Variants in MFHAS1 observed in about 807,000 individuals in gnomAD.
MFHAS1 encodes the protein malignant fibrous histiocytoma-amplified sequence 1.
In MFHAS1, 50 loss-of-function variants were observed where a neutral mutation model predicts 70.4. The observed-to-expected ratio is 0.71, with a 90% CI of 0.57 to 0.90. The LOEUF (loss-of-function observed/expected upper bound fraction) is 0.90, where lower values mean the gene tolerates loss of function less well. Among genes scored for constraint, MFHAS1 ranks in the 40% least tolerant of loss-of-function variants. MFHAS1 has a pLI of 0.00. For missense variants in MFHAS1, 1,795 were observed against 1,347.6 expected, an observed-to-expected ratio of 1.33 and a Z score of -5.20; for synonymous variants, 952 against 620.0, an observed-to-expected ratio of 1.54 and a Z score of -7.96.
intron 1 of MFHAS1, among the ~76,000 whole-genome samples, chr8:8,824,564 CACA>C (rs1807087048): frequency 7.6e-6 from 1 of 131,326 alleles, no homozygotes; most frequent in African/African-American, 2.6e-5. Flanking sequence ...CACACACACA[CACA>C]CCCCTTTCTG....
chr8:8,807,008 G>T lies in MFHAS1; in HGVS notation c.2999-9517C>A, dbSNP rs569453206. ...AAGGAACCATGAGGCACCACTTGAA[G>T]CTTCAATGAGGTGGTTTTATGATGT... On this transcript the variant is annotated intron_variant, in intron 1 of 2. Transcript: ENST00000276282. Among the ~76,000 whole-genome samples, 7 of 152,028 alleles carry T rather than the reference G, an allele frequency of 4.6e-5. No homozygotes were observed. In the South Asian group the frequency reaches 6.2e-4, roughly 14 times the overall value.
At chr8:8,826,657 C>T (rs545204632) in intron 1 of MFHAS1, among the ~76,000 whole-genome samples, 1 of 152,282 alleles carries the variant, frequency 6.6e-6, no homozygotes, top group East Asian at 1.9e-4. Context: ...CGCTTGAACC[C>T]AGAAGGTGGA....
chr8:8,813,810 T>G (rs62493165), intron 1 of MFHAS1, among the ~76,000 whole-genome samples: 1 of 152,174 alleles, frequency 6.6e-6, no homozygotes, highest in African/African-American at 2.4e-5. Flanking sequence ...TGTACAGTGT[T>G]GAAGTCTACA....
intron 1 of MFHAS1, among the ~76,000 whole-genome samples, chr8:8,850,528 T>C (rs977876095): frequency 3.3e-5 from 5 of 152,040 alleles, no homozygotes; most frequent in African/African-American, 1.2e-4. Flanking sequence ...AGCCACAGAG[T>C]TTATTAGTAA....
At chr8:8,825,811 G>C (rs1242612038) in intron 1 of MFHAS1, among the ~76,000 whole-genome samples, 1 of 152,160 alleles carries the variant, frequency 6.6e-6, no homozygotes, top group Admixed American at 6.5e-5. Flanking sequence ...GGCTAAGTAA[G>C]AACCTGTTTA....
chr8:8,892,623 G>A lies in MFHAS1; in HGVS notation c.436C>T (p.Gln146Ter). 1 of 1,606,668 alleles carries A rather than the reference G, an allele frequency of 6.2e-7. No individual in the cohort carries two copies. Residue 146 changes from glutamine (Q) to a stop codon, truncating the protein, a stop_gained, in exon 1 of 3, where the codon CAG (glutamine) becomes TAG (stop). Transcript: ENST00000276282. LOFTEE classifies it high-confidence loss of function. This position sits in a 1 kb window ranked among gnomAD's most constrained non-coding sequence, Gnocchi z 4.7. ...ELRKLNLSHN[Q>*]LPALPAQLGA... ...AGCTGGGCGGGCAGGGCGGGCAGCT[G>A]GTTGTGGCTGAGGTTGAGCTTCCGC...
intron 1 of MFHAS1, among the ~76,000 whole-genome samples, chr8:8,831,750 A>G (rs1807396381): frequency 6.6e-6 from 1 of 151,992 alleles, no homozygotes; most frequent in Admixed American, 6.6e-5. Context: ...CTGGGATTAC[A>G]GGCATGCGCC....
intron 1 of MFHAS1, among the ~76,000 whole-genome samples, chr8:8,814,920 G>C (rs1042801935): frequency 6.7e-6 from 1 of 149,928 alleles, no homozygotes; most frequent in Non-Finnish European, 1.5e-5. Context: ...TGTTACATGG[G>C]TAAACGTGTG....
intron 1 of MFHAS1, among the ~76,000 whole-genome samples, chr8:8,866,092 G>A (rs1808844807): frequency 6.6e-6 from 1 of 152,202 alleles, no homozygotes; most frequent in Non-Finnish European, 1.5e-5. Flanking sequence ...ACTCCTAGCT[G>A]AAGTGCTTTT....
rs1809929014 is a variant in MFHAS1 at position 8,890,112 on chromosome 8, G to C, written c.2947C>G (p.Leu983Val). 5.3e-5 allele frequency: 85 copies of C among 1,613,854 alleles called. No individual in the cohort carries two copies. Among genetic ancestry groups the C allele is most frequent in the Non-Finnish European group, 7.2e-5 (85 of 1,179,872 alleles). The stretch of plus-strand genomic sequence containing the variant: ...CCTCTCTTAAGGCACTTAGAACAGA[G>C]AATGTGCACGGTGTAGTGCAGTCCA... The part of the protein sequence containing the change: ...WPGLHYTVHI[L>V]CSKCLKRGSP... Residue 983 changes from leucine to valine, a missense_variant, in exon 1 of 3, where the codon CTC becomes GTC. By Grantham distance (32) the Leu-to-Val change is conservative (BLOSUM62 1). Transcript: ENST00000276282.
chr8:8,893,180 C>A lies in MFHAS1; in HGVS notation c.-122G>T. The A allele has an allele frequency of 3.8e-6, 2 of 522,960 alleles. No individual in the cohort carries two copies. Among genetic ancestry groups the A allele is most frequent in the Non-Finnish European group, 5.5e-6 (2 of 363,832 alleles). 32.4% of individuals were successfully genotyped at this position (522,960 alleles called of 1,614,324 possible). A position where few individuals can be genotyped will look rare whatever the true frequency, so the allele number is the denominator to read the frequency against. On this transcript the variant is annotated 5_prime_UTR_variant, in exon 1 of 3. Transcript: ENST00000276282. ...CCTCCCGCGCTCGGCGGCCGGCGGC[C>A]GCGGGTCCTAGCGCAGCCAGCGGCC...
In MFHAS1 at chr8:8,784,137, T is replaced by A. The variant is rs891296139; in HGVS notation, c.*1885A>T. 6.6e-6 allele frequency: 1 copy of A among 152,182 alleles called. No individual in the cohort carries two copies. The highest frequency in any genetic ancestry group is 2.4e-5 in the African/African-American group (1 of 41,444). The allele number at this position is 152,182 out of a possible 1,614,324, so 9.4% of individuals were successfully genotyped here. A position where few individuals can be genotyped will look rare whatever the true frequency, so the allele number is the denominator to read the frequency against. ...TCCCCGGGGAGTTAGCCCAAAATCA[T>A]ACAAATAAGCCTTTTTCTAAAGACA... On this transcript the variant is annotated 3_prime_UTR_variant, in exon 3 of 3. Transcript: ENST00000276282.
intron 1 of MFHAS1, among the ~76,000 whole-genome samples, chr8:8,885,377 C>T (rs1242709020): frequency 6.6e-6 from 1 of 152,170 alleles, no homozygotes; most frequent in Non-Finnish European, 1.5e-5. Flanking sequence ...GTTTAACTCA[C>T]TAAGACACAC....
chr8:8,892,410 G>A lies in MFHAS1; in HGVS notation c.649C>T (p.Arg217Trp), dbSNP rs142747070. 385 of 1,612,854 alleles carry A rather than the reference G, an allele frequency of 2.4e-4. No individual in the cohort carries two copies. The highest frequency in any genetic ancestry group is 3.1e-4 in the Non-Finnish European group (369 of 1,179,768). The change falls in exon 1 of 3, where the codon CGG (arginine) becomes TGG (tryptophan). Residue 217 changes from arginine (R) to tryptophan (W), a missense_variant. By Grantham distance (101) the Arg-to-Trp change is moderately radical. Coordinates refer to ENST00000276282, the MANE Select transcript of MFHAS1 (RefSeq NM_004225.3). This position sits in a 1 kb window ranked among gnomAD's most constrained non-coding sequence, Gnocchi z 4.7. Reference protein sequence around the residue: ...EELDVSSNRLRGLPEDISALR... With the variant: ...EELDVSSNRLWGLPEDISALR... ...GCACTGATATCCTCAGGCAGGCCCC[G>A]CAGCCGGTTGCTGGACACGTCCAGC...
chr8:8,855,285 T>C (rs1490178380), intron 1 of MFHAS1, among the ~76,000 whole-genome samples: 2 of 152,202 alleles, frequency 1.3e-5, no homozygotes, highest in East Asian at 1.9e-4. Flanking sequence ...AATCTTAACA[T>C]TGTATTAGGA....
At chr8:8,826,616 C>T (rs1807173107) in intron 1 of MFHAS1, among the ~76,000 whole-genome samples, 1 of 152,116 alleles carries the variant, frequency 6.6e-6, no homozygotes, top group East Asian at 1.9e-4. Context: ...GCCTGTAGTC[C>T]CAGCTACTCG....
chr8:8,857,019 A>G (rs1307776032), intron 1 of MFHAS1, among the ~76,000 whole-genome samples: 1 of 145,738 alleles, frequency 6.9e-6, no homozygotes, highest in Non-Finnish European at 1.5e-5. Flanking sequence ...GAGGAGAGAT[A>G]CCGAAAGAGC....
chr8:8,863,757 C>T (rs529618824), intron 1 of MFHAS1, among the ~76,000 whole-genome samples: 26 of 152,274 alleles, frequency 1.7e-4, no homozygotes, highest in African/African-American at 5.8e-4. Context: ...CCCATCATCT[C>T]ACAGAACTAA....
At chr8:8,854,297 T>A (rs1808350597) in intron 1 of MFHAS1, among the ~76,000 whole-genome samples, 1 of 151,314 alleles carries the variant, frequency 6.6e-6, no homozygotes, top group Admixed American at 6.6e-5. Flanking sequence ...CTTTGGGAGG[T>A]CAAGAAGAGG....
Sources: allele counts gnomAD v4.1 joint callset (sites outside exome capture counted in the v4.1 genomes callset), GRCh38; gene constraint gnomAD v4.1.1; non-coding constraint Gnocchi (gnomAD v3.1); transcripts MANE v1.5; gene names NCBI Gene and HGNC (gene_info 2026-07-23, HGNC 2026-07-21).